Variants in NPSR1 observed in about 807,000 individuals in gnomAD.
NPSR1 encodes neuropeptide S receptor 1, also known as neuropeptide S receptor.
Under a neutral mutation model 46.9 loss-of-function variants are expected in NPSR1, and 48 were observed. That is an observed-to-expected ratio of 1.02 (90% CI 0.81 to 1.30). NPSR1 has a LOEUF of 1.30. Ranked by LOEUF, NPSR1 falls within the 50% of genes most tolerant of loss-of-function variation. The probability of loss-of-function intolerance (pLI) is 0.00; values close to 1 mark genes in which losing one functional copy is unlikely to be tolerated. For synonymous variants in NPSR1, 176 were observed against 168.1 expected (o/e 1.05, Z -0.36); for missense variants, 450 against 449.5 (o/e 1.00, Z -0.01).
intron 3 of NPSR1, among the ~76,000 whole-genome samples, chr7:34,789,330 C>T (rs1445549899): frequency 6.6e-6 from 1 of 151,396 alleles, no homozygotes; most frequent in Non-Finnish European, 1.5e-5. Context: ...AATAGAAAAA[C>T]AATAGAAAAG....
chr7:34,868,066 A>C (rs1791358872), intron 8 of NPSR1, among the ~76,000 whole-genome samples: 1 of 151,856 alleles, frequency 6.6e-6, no homozygotes, highest in African/African-American at 2.4e-5. Flanking sequence ...TCAACTAGCC[A>C]AATCGCCAAA....
intron 4 of NPSR1, among the ~76,000 whole-genome samples, chr7:34,812,483 C>T (rs1231994215): frequency 6.6e-6 from 1 of 152,170 alleles, no homozygotes; most frequent in African/African-American, 2.4e-5. Context: ...ACTTCCTGAA[C>T]AGGCTGCATC....
Position 34,725,530 on chromosome 7 carries a change from G to A in NPSR1, c.280+40846G>A, listed in dbSNP as rs148821448. Among the ~76,000 whole-genome samples, 54 of 152,296 alleles carry A rather than the reference G, an allele frequency of 3.5e-4. 1 individual carries two copies. The East Asian group carries it at 8.1e-3, about 23-fold the overall frequency. On this transcript the variant is annotated intron_variant, in intron 2 of 8. Coordinates refer to ENST00000360581, the MANE Select transcript of NPSR1 (RefSeq NM_207172.2). ...AGGCAAGACTCATATATAAGTTAAC[G>A]CATCCCAGAGCCTGTGCTCCCAAAC... is the stretch of plus-strand genomic sequence containing the variant.
At chr7:34,739,492 T>C (rs1784835007) in intron 2 of NPSR1, among the ~76,000 whole-genome samples, 1 of 152,240 alleles carries the variant, frequency 6.6e-6, no homozygotes, top group Admixed American at 6.5e-5. Context: ...TAATTAATGA[T>C]GGTGAGCATT....
intron 2 of NPSR1, among the ~76,000 whole-genome samples, chr7:34,714,340 G>A (rs1214059379): frequency 1.3e-5 from 2 of 152,230 alleles, no homozygotes; most frequent in African/African-American, 2.4e-5. Context: ...GACCACACAA[G>A]GGTGCGAATA....
chr7:34,805,817 C>A (rs1016509354), intron 3 of NPSR1, among the ~76,000 whole-genome samples: 2 of 151,800 alleles, frequency 1.3e-5, no homozygotes, highest in Admixed American at 1.3e-4. Flanking sequence ...CAAATATGTA[C>A]AAAGAACTCT....
chr7:34,805,254 A>T (rs1308082417), intron 3 of NPSR1, among the ~76,000 whole-genome samples: 1 of 151,968 alleles, frequency 6.6e-6, no homozygotes, highest in Non-Finnish European at 1.5e-5. Context: ...AAGTTTGAAC[A>T]ACCAACACTA....
intron 2 of NPSR1, among the ~76,000 whole-genome samples, chr7:34,708,742 CTGAGAAAAG>C (rs1794232546): frequency 6.6e-6 from 1 of 152,178 alleles, no homozygotes; most frequent in Admixed American, 6.5e-5. Context: ...TTAACACTGC[CTGAGAAAAG>C]TAGTAGTTAT....
At chr7:34,818,190 T>A (rs968275832) in intron 4 of NPSR1, among the ~76,000 whole-genome samples, 10 of 151,882 alleles carry the variant, frequency 6.6e-5, no homozygotes, top group Non-Finnish European at 1.3e-4. Flanking sequence ...GCCCAAAATC[T>A]CCTTAAGCTG....
chr7:34,714,110 C>T (rs1267220705), intron 2 of NPSR1, among the ~76,000 whole-genome samples: 1 of 152,234 alleles, frequency 6.6e-6, no homozygotes, highest in East Asian at 1.9e-4. Flanking sequence ...TGCCAGCTGT[C>T]CGCTGGAAGT....
intron 4 of NPSR1, among the ~76,000 whole-genome samples, chr7:34,826,899 A>G (rs970324265): frequency 1.3e-5 from 2 of 151,918 alleles, no homozygotes; most frequent in African/African-American, 4.8e-5. Flanking sequence ...AAAAAAAAAA[A>G]AAAGAAAGAA....
At chr7:34,759,246 G>A (rs1025947235) in intron 2 of NPSR1, among the ~76,000 whole-genome samples, 3 of 152,126 alleles carry the variant, frequency 2.0e-5, no homozygotes, top group African/African-American at 7.2e-5. Context: ...ATACAGTGTA[G>A]ATTCCTGTCT....
intron 6 of NPSR1, among the ~76,000 whole-genome samples, chr7:34,836,590 AAGAAAGAGTGAGAG>A (rs1790378512): frequency 6.6e-6 from 1 of 151,994 alleles, no homozygotes; most frequent in South Asian, 2.1e-4. Flanking sequence ...ATGAGGGAGA[AAGAAAGAGTGAGAG>A]AGAAAGAGTG....
At chr7:34,674,627 C>A (rs901906436) in intron 1 of NPSR1, among the ~76,000 whole-genome samples, 1 of 152,188 alleles carries the variant, frequency 6.6e-6, no homozygotes, top group Non-Finnish European at 1.5e-5. Context: ...CAGATATTTG[C>A]TCCTTCCTGT....
At chr7:34,836,719 AGAAAG>A (rs1001884826) in intron 6 of NPSR1, among the ~76,000 whole-genome samples, 2 of 149,640 alleles carry the variant, frequency 1.3e-5, no homozygotes, top group Non-Finnish European at 1.5e-5. Flanking sequence ...AGGAAAAGAA[AGAAAG>A]GAAAGGAAAG....
At position 34,869,406 on chromosome 7, in the gene NPSR1, C is replaced by G. The variant is rs1329932080; in HGVS notation, c.1026-8670C>G. ...CCTATTTAAAATCTCTGCCTTTTCT[C>G]CGTTCCCACACACCCTCTTCTATCA... On this transcript the variant is annotated intron_variant, in intron 8 of 8. Transcript: ENST00000359791. 4.0e-5 allele frequency among the ~76,000 whole-genome samples: 6 copies of G among 151,886 alleles called. No individual in the cohort carries two copies. The East Asian group carries it at 9.6e-4, about 24-fold the overall frequency.
chr7:34,851,098 A>G (rs918529210), downstream of NPSR1, among the ~76,000 whole-genome samples: 3 of 152,124 alleles, frequency 2.0e-5, no homozygotes, highest in African/African-American at 7.2e-5. Flanking sequence ...TATGCACGTG[A>G]ACACCTTATT....
At chr7:34,809,980 C>G (rs1324306509) in intron 3 of NPSR1, among the ~76,000 whole-genome samples, 1 of 152,164 alleles carries the variant, frequency 6.6e-6, no homozygotes. Context: ...TTCTTTCTTA[C>G]GAGCCTTCAA....
At chr7:34,826,196 T>C (rs1215314515) in intron 4 of NPSR1, among the ~76,000 whole-genome samples, 2 of 152,200 alleles carry the variant, frequency 1.3e-5, no homozygotes, top group African/African-American at 2.4e-5. Context: ...ATCAGATTGC[T>C]ATTATAATTC....
Sources: gnomAD v4.1 joint callset for allele counts (sites outside exome capture counted in the v4.1 genomes callset) on GRCh38, gnomAD v4.1.1 for gene constraint, MANE v1.5 for transcripts, NCBI Gene and HGNC (gene_info 2026-07-23, HGNC 2026-07-21) for gene names.